EPHA5: variants seen among roughly 807,000 people sequenced by gnomAD.
The protein encoded by EPHA5 is ephrin type-A receptor 5.
In EPHA5, 60 loss-of-function variants were observed where a neutral mutation model predicts 105.0. That is an observed-to-expected ratio of 0.57 (90% CI 0.46 to 0.71). EPHA5 has a LOEUF of 0.71. EPHA5 is among the 30% of genes least tolerant of loss of function. The pLI is 0.00. For synonymous variants in EPHA5, 513 were observed against 449.1 expected (o/e 1.14, Z -1.80); for missense variants, 1,218 against 1,274.7 (o/e 0.96, Z 0.68).
At chr4:65,590,663 G>C (rs4422466) in intron 3 of EPHA5, among the ~76,000 whole-genome samples, 1 of 152,070 alleles carries the variant, frequency 6.6e-6, no homozygotes, top group Non-Finnish European at 1.5e-5. Flanking sequence ...AAGAGAGAGA[G>C]ACAAATTAAG....
intron 3 of EPHA5, among the ~76,000 whole-genome samples, chr4:65,570,538 G>C (rs562291204): frequency 6.7e-6 from 1 of 149,734 alleles, no homozygotes; most frequent in East Asian, 2.0e-4. Flanking sequence ...TAATATCTTA[G>C]TCAGCTTTCT....
At chr4:65,583,386 G>A (rs1033622883) in intron 3 of EPHA5, among the ~76,000 whole-genome samples, 6 of 151,826 alleles carry the variant, frequency 4.0e-5, no homozygotes, top group Admixed American at 6.6e-5. Context: ...TTCTCCTACC[G>A]AAGAGGAGGA....
At chr4:65,585,087 C>A (rs1741985035) in intron 3 of EPHA5, among the ~76,000 whole-genome samples, 1 of 149,740 alleles carries the variant, frequency 6.7e-6, no homozygotes, top group African/African-American at 2.5e-5. Context: ...TCACTACCTG[C>A]ATGCATGCAT....
In EPHA5 at chr4:65,332,029, C is replaced by G. The variant is rs2148798481; in HGVS notation, c.2889G>C (p.Glu963Asp). Residue 963 changes from glutamate (E) to aspartate (D), a missense_variant, in exon 16 of 17, where the codon GAG (glutamate) becomes GAC (aspartate). This residue lies in a region of EPHA5 where 971 missense variants were observed against 1,013.5 expected (regional missense o/e 0.96). Transcript: ENST00000613740. Reference sequence around the variant, plus strand: ...AACTGTATCCATTTTCCATGAAAATCTCTGTATACCGGCCCATCTTGATTG... The same window carrying G: ...AACTGTATCCATTTTCCATGAAAATGTCTGTATACCGGCCCATCTTGATTG... ...LEAIKMGRYTEIFMENGYSSM... is the reference protein window; with the variant it reads ...LEAIKMGRYTDIFMENGYSSM... The G allele has an allele frequency of 6.2e-7, 1 of 1,611,916 alleles. No individual in the cohort carries two copies. The highest frequency in any genetic ancestry group is 8.5e-7 in the Non-Finnish European group (1 of 1,178,652).
At chr4:65,554,511 T>A (rs1476051530) in intron 3 of EPHA5, among the ~76,000 whole-genome samples, 2 of 151,096 alleles carry the variant, frequency 1.3e-5, no homozygotes, top group African/African-American at 4.8e-5. Context: ...TAAAATCTGA[T>A]AGTTGAGGAA....
At chr4:65,398,920 A>G (rs1721526666) in intron 8 of EPHA5, among the ~76,000 whole-genome samples, 1 of 152,166 alleles carries the variant, frequency 6.6e-6, no homozygotes, top group Non-Finnish European at 1.5e-5. Flanking sequence ...TTGTCCATGT[A>G]CCTCATTCTT....
intron 1 of EPHA5, 58 bp from the exon 2 acceptor site, chr4:65,643,485 TCTATTTTAATAGTGTTA>T: frequency 7.3e-7 from 1 of 1,362,322 alleles, no homozygotes; most frequent in Non-Finnish European, 1.0e-6. Context: ...ATATTGTATC[TCTATTTTAATAGTGTTA>T]TTAAAATTGC....
chr4:65,520,017 GA>G (rs1407244973), intron 3 of EPHA5, among the ~76,000 whole-genome samples: 2 of 152,000 alleles, frequency 1.3e-5, no homozygotes, highest in Non-Finnish European at 2.9e-5. Context: ...CACAGAATTG[GA>G]AAAAACTACT....
At chr4:65,649,009 T>C (rs1748364668) in intron 1 of EPHA5, among the ~76,000 whole-genome samples, 2 of 152,218 alleles carry the variant, frequency 1.3e-5, no homozygotes, top group South Asian at 4.1e-4. Flanking sequence ...GTTATGTAGA[T>C]TTCTGGCATC....
Position 65,497,945 on chromosome 4 carries a change from C to T in EPHA5, c.911-2402G>A, listed in dbSNP as rs145504630. Among the ~76,000 whole-genome samples, 113 of 151,642 alleles carry T rather than the reference C, an allele frequency of 7.5e-4. 1 individual carries two copies. The highest frequency in any genetic ancestry group is 2.6e-3 in the African/African-American group (109 of 41,384). ...TGCCTTTATGAATCTTAAAGGTAGTCCATAAATATTATAAATATTACTACA... is the reference window on the plus strand; with the variant it reads ...TGCCTTTATGAATCTTAAAGGTAGTTCATAAATATTATAAATATTACTACA... On this transcript the variant is annotated intron_variant, in intron 3 of 16. Coordinates refer to ENST00000613740, the MANE Select transcript of EPHA5 (RefSeq NM_001281766.3).
At chr4:65,508,823 TAAAA>T (rs925227727) in intron 3 of EPHA5, among the ~76,000 whole-genome samples, 1 of 151,766 alleles carries the variant, frequency 6.6e-6, no homozygotes, top group Non-Finnish European at 1.5e-5. Context: ...AAAGAAGTGT[TAAAA>T]AAAACTATCC....
At chr4:65,656,496 T>C (rs1277105153) in intron 1 of EPHA5, among the ~76,000 whole-genome samples, 1 of 150,446 alleles carries the variant, frequency 6.6e-6, no homozygotes, top group Non-Finnish European at 1.5e-5. Flanking sequence ...TGCATATATT[T>C]ATATTATTTT....
intron 3 of EPHA5, among the ~76,000 whole-genome samples, chr4:65,580,850 A>G (rs1741547337): frequency 6.6e-6 from 1 of 151,644 alleles, no homozygotes; most frequent in Admixed American, 6.6e-5. Flanking sequence ...GAATTAAAAG[A>G]TACAATGTGT....
In EPHA5 at chr4:65,323,708, G is replaced by T; in HGVS notation, c.*406C>A. The T allele has an allele frequency of 4.3e-6, 1 of 230,968 alleles. No individual in the cohort carries two copies. The highest frequency in any genetic ancestry group is 8.6e-6 in the Non-Finnish European group (1 of 116,676). 14.3% of individuals were successfully genotyped at this position (230,968 alleles called of 1,614,324 possible). On this transcript the variant is annotated 3_prime_UTR_variant, in exon 17 of 17. Coordinates refer to ENST00000613740, the MANE Select transcript of EPHA5 (RefSeq NM_001281766.3). ...TAAACTTCAGTAAACTGTAGCTTTT[G>T]TTAGCTCACAAATGGCTATAAAACA... is the stretch of plus-strand genomic sequence containing the variant.
At chr4:65,461,782 A>G (rs1466558453) in intron 5 of EPHA5, among the ~76,000 whole-genome samples, 2 of 152,108 alleles carry the variant, frequency 1.3e-5, no homozygotes, top group Non-Finnish European at 2.9e-5. Context: ...ACCATGATGT[A>G]TCCAAAGAGC....
At position 65,433,870 on chromosome 4, in the gene EPHA5, C is replaced by A. The variant is rs529727282; in HGVS notation, c.1403-13305G>T. Among the ~76,000 whole-genome samples, 9 of 152,140 alleles carry A rather than the reference C, an allele frequency of 5.9e-5. No individual in the cohort carries two copies. The South Asian group carries it at 1.9e-3, about 32-fold the overall frequency. ...TCACCTGAGGCCAACATGGCGAAAC[C>A]CCGTCTCTAATAAAAATGCAAAAAT... On this transcript the variant is annotated intron_variant, in intron 5 of 16. Coordinates refer to ENST00000613740, the MANE Select transcript of EPHA5 (RefSeq NM_001281766.3).
intron 3 of EPHA5, among the ~76,000 whole-genome samples, chr4:65,510,209 T>G (rs201463545): frequency 6.8e-6 from 1 of 146,336 alleles, no homozygotes; most frequent in African/African-American, 2.5e-5. Flanking sequence ...TAATTTTGTG[T>G]TTTTTTTTTT....
intron 8 of EPHA5, among the ~76,000 whole-genome samples, chr4:65,380,780 G>A (rs374053576): frequency 1.4e-4 from 21 of 151,882 alleles, no homozygotes; most frequent in African/African-American, 5.1e-4. Context: ...TGGAGCTAGT[G>A]TTCTTATGTG....
At chr4:65,365,824 G>A (rs1717852775) in intron 10 of EPHA5, 108 bp downstream of exon 10, 3 of 1,163,876 alleles carry the variant, frequency 2.6e-6, no homozygotes, top group Non-Finnish European at 2.4e-6. Context: ...TTGAATGCAA[G>A]CCAATTAGAA....
Sources: allele counts gnomAD v4.1 joint callset (sites outside exome capture counted in the v4.1 genomes callset), GRCh38; gene constraint gnomAD v4.1.1; regional missense constraint gnomAD v4.1.1; transcripts MANE v1.5; gene names NCBI Gene and HGNC (gene_info 2026-07-23, HGNC 2026-07-21).